Variants in RNF41 observed in about 807,000 individuals in gnomAD.
RNF41 encodes E3 ubiquitin-protein ligase NRDP1.
In RNF41, 4 loss-of-function variants were observed where a neutral mutation model predicts 33.0. That is an observed-to-expected ratio of 0.12 (90% CI 0.06 to 0.28). The LOEUF (loss-of-function observed/expected upper bound fraction) is 0.28. Ranked by LOEUF, RNF41 falls within the 10% of genes least tolerant of loss-of-function variation. The pLI, the probability that RNF41 is intolerant of heterozygous loss-of-function variation, is 1.00. For missense variants in RNF41, 228 were observed against 432.6 expected (o/e 0.53, Z 4.19); for synonymous variants, 164 against 153.2 (o/e 1.07, Z -0.52).
In RNF41 at chr12:56,210,565, G is replaced by A. The variant is rs138861137; in HGVS notation, c.94C>T (p.Pro32Ser). Residue 32 changes from proline (P) to serine (S), a missense_variant, in exon 4 of 7, where the codon CCT becomes TCT. By Grantham distance (74) the Pro-to-Ser change is moderately conservative. Coordinates refer to ENST00000345093, the MANE Select transcript of RNF41 (RefSeq NM_005785.4). ...TTGCAGAAAGCATGTTCACAATGAG[G>A]TGCCTAGAAGAGAGAACAAGGCAAA... The part of the protein sequence containing the change: ...SGVLEEPVQA[P>S]HCEHAFCNAC... The A allele has an allele frequency of 7.4e-6, 12 of 1,612,014 alleles. No homozygotes were observed. Among genetic ancestry groups the A allele is most frequent in the Non-Finnish European group, 9.3e-6 (11 of 1,179,852 alleles).
rs1869481267 is a variant in RNF41, at chr12:56,221,832, C to T, written c.-281G>A. 1.3e-5 allele frequency: 2 copies of T among 152,504 alleles called. No individual in the cohort carries two copies. Among genetic ancestry groups the T allele is most frequent in the Admixed American group, 1.3e-4 (2 of 15,282 alleles). 9.4% of individuals were successfully genotyped at this position (152,504 alleles called of 1,614,324 possible). A position where few individuals can be genotyped will look rare whatever the true frequency, so the allele number is the denominator to read the frequency against. On this transcript the variant is annotated 5_prime_UTR_variant, in exon 1 of 7. Transcript: ENST00000345093. ...TGAGGCCGCAGCGGCCACAGTACTG[C>T]CCTGGTGCCGGGTCCCAGCCTCTCC... is the stretch of plus-strand genomic sequence containing the variant.
chr12:56,214,287 G>A (rs200567013), intron 2 of RNF41, among the ~76,000 whole-genome samples: 7 of 152,088 alleles, frequency 4.6e-5, no homozygotes, highest in Non-Finnish European at 7.4e-5. Flanking sequence ...TTGGGAGGCC[G>A]AGGCAGGCGG....
chr12:56,209,078 T>C (rs1041885977), intron 4 of RNF41, among the ~76,000 whole-genome samples: 6 of 151,670 alleles, frequency 4.0e-5, no homozygotes, highest in African/African-American at 1.5e-4. Context: ...TTGGCCACGC[T>C]GGTCTTGAAC....
intron 6 of RNF41, chr12:56,207,402 A>G: frequency 2.4e-6 from 2 of 836,650 alleles, no homozygotes; most frequent in South Asian, 2.9e-5. Flanking sequence ...TACTCACCTA[A>G]TTCTGGATAA....
chr12:56,213,243 C>T, intron 3 of RNF41: 1 of 739,454 alleles, frequency 1.4e-6, no homozygotes, highest in Non-Finnish European at 1.9e-6. Flanking sequence ...CTCTGTCACC[C>T]AGGCTGGAGT....
At chr12:56,216,915 T>C (rs1168681412) in intron 1 of RNF41, among the ~76,000 whole-genome samples, 6 of 151,398 alleles carry the variant, frequency 4.0e-5, no homozygotes, top group Non-Finnish European at 8.8e-5. Flanking sequence ...CCAAGGCGGG[T>C]GGATCACGAG....
At chr12:56,214,426 A>G in intron 2 of RNF41, among the ~76,000 whole-genome samples, 1 of 151,890 alleles carries the variant, frequency 6.6e-6, no homozygotes, top group African/African-American at 2.4e-5. Flanking sequence ...AGGCTGAGGC[A>G]GGAGAAGCAT....
At chr12:56,219,199 A>ATT (rs1371149349) in intron 1 of RNF41, among the ~76,000 whole-genome samples, 2 of 136,872 alleles carry the variant, frequency 1.5e-5, no homozygotes, top group African/African-American at 5.4e-5. Flanking sequence ...TTATTTATTT[A>ATT]TTTTTTTTTT....
At chr12:56,220,761 A>C (rs1429187151) in intron 1 of RNF41, among the ~76,000 whole-genome samples, 3 of 152,034 alleles carry the variant, frequency 2.0e-5, no homozygotes, top group Admixed American at 6.6e-5. Context: ...ATGCAAAATA[A>C]ATTTAGAGTA....
At position 56,204,253 on chromosome 12, in the gene RNF41, T is replaced by G. The variant is rs1207136534; in HGVS notation, c.*2194A>C. 6.6e-6 allele frequency: 1 copy of G among 152,142 alleles called. No individual in the cohort carries two copies. The highest frequency in any genetic ancestry group is 1.9e-4 in the East Asian group (1 of 5,190). 9.4% of individuals were successfully genotyped at this position (152,142 alleles called of 1,614,324 possible). On this transcript the variant is annotated 3_prime_UTR_variant, in exon 7 of 7. Coordinates refer to ENST00000345093, the MANE Select transcript of RNF41 (RefSeq NM_005785.4). ...TGGAATTTAGGATAAAGGCAGACCC[T>G]GGGAAGCACACAGTTCAGATCACTA...
intron 1 of RNF41, among the ~76,000 whole-genome samples, chr12:56,217,775 G>A (rs1455479333): frequency 6.6e-6 from 1 of 152,018 alleles, no homozygotes; most frequent in Non-Finnish European, 1.5e-5. Flanking sequence ...GAACCCTATT[G>A]TGAACTGCCC....
rs570827923 is a variant in RNF41 at position 56,211,415 on chromosome 12, G to A, written c.91-847C>T. On this transcript the variant is annotated intron_variant, in intron 3 of 6. Coordinates refer to ENST00000345093, the MANE Select transcript of RNF41 (RefSeq NM_005785.4). ...ATGAGTTGTGAAACAAGACAAACAAGTAAAAAGTTATATAACAATAAGAGA... is the reference window on the plus strand; with the variant it reads ...ATGAGTTGTGAAACAAGACAAACAAATAAAAAGTTATATAACAATAAGAGA... Among the ~76,000 whole-genome samples the A allele has an allele frequency of 1.8e-4, 28 of 151,862 alleles. No individual in the cohort carries two copies. The East Asian group carries it at 5.4e-3, about 29-fold the overall frequency.
intron 1 of RNF41, among the ~76,000 whole-genome samples, chr12:56,217,734 C>T (rs905022756): frequency 1.3e-5 from 2 of 152,058 alleles, no homozygotes; most frequent in African/African-American, 4.8e-5. Context: ...CCTGTCAGAT[C>T]AGCAGCGGCA....
intron 2 of RNF41, 134 bp downstream of exon 2, chr12:56,216,295 T>C (rs1868888006): frequency 6.6e-6 from 1 of 152,086 alleles, no homozygotes; most frequent in East Asian, 1.9e-4. Flanking sequence ...AAAGAACAAA[T>C]GGTACAGATT....
Position 56,202,519 on chromosome 12 carries a change from A to G in RNF41, c.*3928T>C, listed in dbSNP as rs1023403817. Reference sequence around the variant, plus strand: ...ACAGACAATATATAAACAAGTGGGCATAACTGTATTCCAATAAAGTTTTTT... The same window carrying G: ...ACAGACAATATATAAACAAGTGGGCGTAACTGTATTCCAATAAAGTTTTTT... On this transcript the variant is annotated 3_prime_UTR_variant, in exon 7 of 7. Coordinates refer to ENST00000345093, the MANE Select transcript of RNF41 (RefSeq NM_005785.4). The G allele has an allele frequency of 1.3e-5, 2 of 152,250 alleles. No individual in the cohort carries two copies. Among genetic ancestry groups the G allele is most frequent in the Admixed American group, 6.5e-5 (1 of 15,284 alleles). The allele number at this position is 152,250 out of a possible 1,614,324, so 9.4% of individuals were successfully genotyped here. A position where few individuals can be genotyped will look rare whatever the true frequency, so the allele number is the denominator to read the frequency against.
At position 56,203,059 on chromosome 12, in the gene RNF41, G is replaced by A. The variant is rs2135793889; in HGVS notation, c.*3388C>T. On this transcript the variant is annotated 3_prime_UTR_variant, in exon 7 of 7. Transcript: ENST00000345093. Reference sequence around the variant, plus strand: ...AGAAGCGCAGACTCAGCACAGAAATGCCTTTTTTTTTTTTTTCAAGCCACT... The same window carrying A: ...AGAAGCGCAGACTCAGCACAGAAATACCTTTTTTTTTTTTTTCAAGCCACT... 1 of 63,346 alleles carries A rather than the reference G, an allele frequency of 1.6e-5. No homozygotes were observed. The highest frequency in any genetic ancestry group is 4.2e-5 in the African/African-American group (1 of 23,916). The allele number at this position is 63,346 out of a possible 1,614,324, so 3.9% of individuals were successfully genotyped here.
chr12:56,214,391 G>C lies in RNF41; in HGVS notation c.-23-321C>G, dbSNP rs192851209. ...CAAAAATTAGCTGGGTGTGGTATGC[G>C]CATCTGTAATCCCAGCTACTCGGGA... On this transcript the variant is annotated intron_variant, in intron 2 of 6. Coordinates refer to ENST00000345093, the MANE Select transcript of RNF41 (RefSeq NM_005785.4). Among the ~76,000 whole-genome samples the C allele has an allele frequency of 2.7e-5, 4 of 150,626 alleles. No homozygotes were observed. In the Admixed American group the frequency reaches 2.7e-4, roughly 10 times the overall value.
intron 3 of RNF41, among the ~76,000 whole-genome samples, chr12:56,212,620 C>G (rs957230352): frequency 2.0e-5 from 3 of 152,068 alleles, no homozygotes; most frequent in Non-Finnish European, 4.4e-5. Context: ...TGATGACTTG[C>G]TCCACACCCA....
chr12:56,220,708 G>T (rs1204993188), intron 1 of RNF41, among the ~76,000 whole-genome samples: 1 of 150,806 alleles, frequency 6.6e-6, no homozygotes. Flanking sequence ...TCCAGCGTGG[G>T]TGACAGAGTG....
Sources: allele counts gnomAD v4.1 joint callset (sites outside exome capture counted in the v4.1 genomes callset), GRCh38; gene constraint gnomAD v4.1.1; transcripts MANE v1.5; gene names NCBI Gene and HGNC (gene_info 2026-07-23, HGNC 2026-07-21).